SMIM36: variants seen among roughly 807,000 people sequenced by gnomAD.
The protein encoded by SMIM36 is small integral membrane protein 36.
chr17:55,477,840 C>T (rs563436931), intron 3 of SMIM36, among the ~76,000 whole-genome samples: 62 of 145,280 alleles, frequency 4.3e-4, no homozygotes, highest in Non-Finnish European at 5.6e-4. Flanking sequence ...GGCATTTTCA[C>T]GAACCTATTA....
the SMIM36 span, among the ~76,000 whole-genome samples, chr17:55,524,964 A>G: frequency 1.3e-5 from 2 of 152,188 alleles, no homozygotes; most frequent in African/African-American, 2.4e-5. Context: ...CAGCAACTCT[A>G]TGGAAGTTTA....
At chr17:55,521,380 C>CAAA in the SMIM36 span, among the ~76,000 whole-genome samples, 1 of 152,210 alleles carries the variant, frequency 6.6e-6, no homozygotes, top group Non-Finnish European at 1.5e-5. Flanking sequence ...AATGTGATCA[C>CAAA]TTCCCTGGTC....
chr17:55,515,248 C>T (rs983725466), upstream of SMIM36, among the ~76,000 whole-genome samples: 1 of 152,002 alleles, frequency 6.6e-6, no homozygotes, highest in Non-Finnish European at 1.5e-5. Context: ...CCACTTGTCC[C>T]TCAAATTTAT....
the SMIM36 span, among the ~76,000 whole-genome samples, chr17:55,526,136 A>G: frequency 6.6e-6 from 1 of 151,600 alleles, no homozygotes; most frequent in African/African-American, 2.4e-5. Flanking sequence ...TACTACTATT[A>G]TTATTATTAA....
At chr17:55,486,975 G>A (rs1465091926) in intron 1 of SMIM36, among the ~76,000 whole-genome samples, 1 of 152,206 alleles carries the variant, frequency 6.6e-6, no homozygotes, top group Non-Finnish European at 1.5e-5. Context: ...CGCAGACCAT[G>A]TGCTGGGCAC....
chr17:55,515,084 GTGTTTTTTTT>G (rs1433143756), upstream of SMIM36, among the ~76,000 whole-genome samples: 50 of 56,154 alleles, frequency 8.9e-4, 3 homozygotes, highest in South Asian at 4.2e-3. Flanking sequence ...TTCTAGTCTA[GTGTTTTTTTT>G]TTTTTTTTTT....
upstream of SMIM36, among the ~76,000 whole-genome samples, chr17:55,515,674 G>A (rs926042184): frequency 5.9e-5 from 9 of 152,316 alleles, no homozygotes; most frequent in African/African-American, 2.2e-4. Context: ...AAGGACTGCA[G>A]GCCACCACCA....
At chr17:55,521,513 C>T in the SMIM36 span, among the ~76,000 whole-genome samples, 2 of 152,180 alleles carry the variant, frequency 1.3e-5, no homozygotes, top group South Asian at 4.1e-4. Flanking sequence ...TTCCTTTTGG[C>T]TTTGGACTTT....
chr17:55,469,950 C>G (rs1268122856), intron 3 of SMIM36, among the ~76,000 whole-genome samples: 1 of 151,726 alleles, frequency 6.6e-6, no homozygotes, highest in Non-Finnish European at 1.5e-5. Context: ...CCATTGTACT[C>G]CAGCCTGGGC....
intron 1 of SMIM36, among the ~76,000 whole-genome samples, chr17:55,486,759 C>G (rs144812793): frequency 6.6e-6 from 1 of 152,078 alleles, no homozygotes; most frequent in Non-Finnish European, 1.5e-5. Flanking sequence ...ATTTCAATTC[C>G]CTATTCCTTA....
chr17:55,502,129 C>T (rs374482553), intron 1 of SMIM36, among the ~76,000 whole-genome samples: 12 of 150,600 alleles, frequency 8.0e-5, no homozygotes, highest in South Asian at 6.3e-4. Context: ...AACTGCAAGG[C>T]GGCAGCGAGG....
chr17:55,460,640 G>A (rs539671901), intron 4 of SMIM36, among the ~76,000 whole-genome samples: 1 of 152,152 alleles, frequency 6.6e-6, no homozygotes, highest in African/African-American at 2.4e-5. Flanking sequence ...GGCAGATCAC[G>A]AGGTCAGGAG....
the SMIM36 span, among the ~76,000 whole-genome samples, chr17:55,522,395 C>G: frequency 6.6e-6 from 1 of 152,204 alleles, no homozygotes; most frequent in African/African-American, 2.4e-5. Flanking sequence ...ACACCTGAGA[C>G]TGGATAACTT....
intron 1 of SMIM36, among the ~76,000 whole-genome samples, chr17:55,481,244 G>A (rs1380942339): frequency 6.6e-6 from 1 of 152,042 alleles, no homozygotes; most frequent in East Asian, 1.9e-4. Flanking sequence ...CTTATTTTAT[G>A]CCTAATTCTA....
chr17:55,461,771 A>ACAAAAAC lies in SMIM36; in HGVS notation c.*531+5367_*531+5373dup, dbSNP rs536856964. ...TCTTTAATGAGGCAAAAAAGCAAAA[A>ACAAAAAC]CAAAAACCAAAAACCAGAAAGTACA... On this transcript the variant is annotated intron_variant, in intron 4 of 4. Transcript: ENST00000636752. Among the ~76,000 whole-genome samples, 9 of 152,298 alleles carry ACAAAAAC rather than the reference A, an allele frequency of 5.9e-5. No individual in the cohort carries two copies. In the East Asian group the frequency reaches 1.3e-3, roughly 23 times the overall value.
the SMIM36 span, among the ~76,000 whole-genome samples, chr17:55,521,971 C>T: frequency 6.6e-6 from 1 of 151,892 alleles, no homozygotes; most frequent in Non-Finnish European, 1.5e-5. Context: ...ACACAATAAC[C>T]TGAGTGAGCA....
the SMIM36 span, among the ~76,000 whole-genome samples, chr17:55,521,422 T>C: frequency 1.3e-5 from 2 of 152,244 alleles, no homozygotes. Context: ...TGTTCCCTTT[T>C]CTGGTTAGAA....
chr17:55,465,485 T>C (rs142032376), intron 4 of SMIM36, among the ~76,000 whole-genome samples: 65 of 152,278 alleles, frequency 4.3e-4, no homozygotes, highest in Middle Eastern at 3.4e-3. Flanking sequence ...TATGGGATAT[T>C]ATGTCTATCT....
chr17:55,520,698 G>A, the SMIM36 span, among the ~76,000 whole-genome samples: 7 of 152,170 alleles, frequency 4.6e-5, no homozygotes, highest in Non-Finnish European at 4.4e-5. Flanking sequence ...GAAAACTTAC[G>A]AATAGTTTAT....
Sources: allele counts gnomAD v4.1 joint callset (sites outside exome capture counted in the v4.1 genomes callset), GRCh38; gene constraint gnomAD v4.1.1; transcripts MANE v1.5; gene names NCBI Gene and HGNC (gene_info 2026-07-23, HGNC 2026-07-21).